The following SGCD variants were observed in gnomAD, a reference collection of about 807,000 sequenced individuals.
SGCD encodes delta-sarcoglycan.
In SGCD, 18 loss-of-function variants were observed where a neutral mutation model predicts 36.6. That is an observed-to-expected ratio of 0.49 (90% confidence interval 0.34 to 0.73). SGCD has a LOEUF of 0.73. Among genes scored for constraint, SGCD ranks in the 30% least tolerant of loss-of-function variants. The probability of loss-of-function intolerance (pLI) is 0.01; values close to 1 mark genes in which losing one functional copy is unlikely to be tolerated. For synonymous variants in SGCD, 133 were observed against 130.6 expected, an observed-to-expected ratio of 1.02 and a Z score of -0.12; for missense variants, 387 against 346.7, an observed-to-expected ratio of 1.12 and a Z score of -0.92.
intron 1 of SGCD, among the ~76,000 whole-genome samples, chr5:156,038,085 T>A (rs1185965184): frequency 6.6e-6 from 1 of 152,156 alleles, no homozygotes; most frequent in Non-Finnish European, 1.5e-5. Context: ...AGAGTGAAGA[T>A]GGGGATAGAG....
At chr5:155,790,984 A>T in the SGCD span, among the ~76,000 whole-genome samples, 3 of 152,172 alleles carry the variant, frequency 2.0e-5, no homozygotes, top group Admixed American at 6.6e-5. Flanking sequence ...GGTTCTGAAT[A>T]GGATGGAATG....
intron 3 of SGCD, among the ~76,000 whole-genome samples, chr5:156,214,270 A>G (rs963578655): frequency 2.0e-5 from 3 of 152,148 alleles, no homozygotes; most frequent in East Asian, 1.9e-4. Context: ...CAGGATACCA[A>G]ATCAACCTAC....
At chr5:156,305,823 A>G (rs1767193458) in intron 3 of SGCD, among the ~76,000 whole-genome samples, 1 of 152,240 alleles carries the variant, frequency 6.6e-6, no homozygotes, top group African/African-American at 2.4e-5. Flanking sequence ...AGTGTGATCC[A>G]GATACAAGAC....
At chr5:156,231,420 C>T (rs1178258337) in intron 3 of SGCD, among the ~76,000 whole-genome samples, 1 of 152,114 alleles carries the variant, frequency 6.6e-6, no homozygotes, top group Non-Finnish European at 1.5e-5. Context: ...CTTGTAATTC[C>T]AGCTACTTGG....
At chr5:156,708,864 A>C (rs761720763) in intron 7 of SGCD, among the ~76,000 whole-genome samples, 41 of 152,172 alleles carry the variant, frequency 2.7e-4, no homozygotes, top group Non-Finnish European at 4.9e-4. Context: ...TGACAAGACA[A>C]AGGAAGACAA....
upstream of SGCD, among the ~76,000 whole-genome samples, chr5:155,868,378 T>C (rs922681029): frequency 6.7e-6 from 1 of 149,196 alleles, no homozygotes; most frequent in Non-Finnish European, 1.5e-5. Context: ...TTTTTTTTTT[T>C]TTTTAGATGA....
chr5:155,848,768 G>A, the SGCD span, among the ~76,000 whole-genome samples: 1 of 152,114 alleles, frequency 6.6e-6, no homozygotes, highest in Non-Finnish European at 1.5e-5. Flanking sequence ...ATAGCTCTTA[G>A]TACAGTGTAT....
At chr5:156,185,207 A>G (rs944161077) in intron 3 of SGCD, among the ~76,000 whole-genome samples, 3 of 117,770 alleles carry the variant, frequency 2.5e-5, no homozygotes, top group African/African-American at 9.6e-5. Flanking sequence ...CCTTCCTTTA[A>G]TTTTCTTTTT....
chr5:155,823,214 C>T, the SGCD span, among the ~76,000 whole-genome samples: 7 of 151,250 alleles, frequency 4.6e-5, no homozygotes, highest in Admixed American at 4.6e-4. Context: ...CACATTCTGC[C>T]TTCTCCAAGC....
At chr5:155,932,873 G>T (rs1013273043) in intron 1 of SGCD, among the ~76,000 whole-genome samples, 1 of 151,920 alleles carries the variant, frequency 6.6e-6, no homozygotes, top group East Asian at 1.9e-4. Context: ...GGTGACCACC[G>T]TGAAAAGCTG....
At chr5:155,806,874 C>A in the SGCD span, among the ~76,000 whole-genome samples, 1 of 152,064 alleles carries the variant, frequency 6.6e-6, no homozygotes, top group Non-Finnish European at 1.5e-5. Context: ...TACTGTAAAT[C>A]AGAACAGAAA....
At chr5:156,683,387 T>C (rs993789262) in intron 7 of SGCD, among the ~76,000 whole-genome samples, 1 of 152,182 alleles carries the variant, frequency 6.6e-6, no homozygotes, top group African/African-American at 2.4e-5. Context: ...TTATCCCCAG[T>C]ATCAAACACA....
At chr5:156,201,925 G>C (rs1168307686) in intron 3 of SGCD, among the ~76,000 whole-genome samples, 1 of 152,252 alleles carries the variant, frequency 6.6e-6, no homozygotes, top group East Asian at 1.9e-4. Context: ...CAGCTAATGA[G>C]GCCACAGGAG....
intron 3 of SGCD, among the ~76,000 whole-genome samples, chr5:156,218,203 G>A (rs779174531): frequency 2.6e-5 from 4 of 152,120 alleles, no homozygotes; most frequent in Non-Finnish European, 5.9e-5. Flanking sequence ...AGTGAGCCGA[G>A]ATGGCGCCAC....
the SGCD span, among the ~76,000 whole-genome samples, chr5:155,799,810 CCCTTTTTTTTTTT>C: frequency 5.4e-3 from 485 of 90,306 alleles, 6 homozygotes; most frequent in African/African-American, 0.02. Context: ...CTTCCTATTC[CCCTTTTTTTTTTT>C]TTTTTTTTTT....
At chr5:156,755,837 TGTA>T (rs1465529589) in intron 7 of SGCD, among the ~76,000 whole-genome samples, 2 of 152,112 alleles carry the variant, frequency 1.3e-5, no homozygotes, top group Non-Finnish European at 2.9e-5. Context: ...GTTGAGTCAT[TGTA>T]GGGGGGGACA....
the SGCD span, among the ~76,000 whole-genome samples, chr5:155,744,179 G>A: frequency 6.6e-5 from 10 of 152,108 alleles, no homozygotes; most frequent in African/African-American, 1.2e-4. Flanking sequence ...TTGAAGGAGC[G>A]GGCCAGGTGT....
the SGCD span, among the ~76,000 whole-genome samples, chr5:155,836,620 A>G: frequency 6.2e-4 from 95 of 152,322 alleles, no homozygotes; most frequent in African/African-American, 2.2e-3. Context: ...CTGATCTGAG[A>G]GTTCTATTTC....
chr5:155,728,725 A>G, the SGCD span, among the ~76,000 whole-genome samples: 3 of 151,942 alleles, frequency 2.0e-5, no homozygotes, highest in Admixed American at 1.3e-4. Flanking sequence ...CGAAGTCCGA[A>G]GTCCGCCCCC....
Sources: gnomAD v4.1 joint callset for allele counts (sites outside exome capture counted in the v4.1 genomes callset) on GRCh38, gnomAD v4.1.1 for gene constraint, MANE v1.5 for transcripts, NCBI Gene and HGNC (gene_info 2026-07-23, HGNC 2026-07-21) for gene names.